The following KAZN variants were observed in gnomAD, a reference collection of about 807,000 sequenced individuals.
KAZN encodes kazrin.
KAZN carries 40 observed loss-of-function variants against 87.4 expected under a neutral mutation model. The observed-to-expected ratio is 0.46, with a 90% CI of 0.36 to 0.60. KAZN has a LOEUF of 0.60. Ranked by LOEUF, KAZN falls within the 20% of genes least tolerant of loss-of-function variation. The pLI is 0.00. For missense variants in KAZN, 898 were observed against 1,073.9 expected (o/e 0.84, Z 2.29); for synonymous variants, 466 against 458.3 (o/e 1.02, Z -0.22).
intron 2 of KAZN, among the ~76,000 whole-genome samples, chr1:14,343,556 C>T (rs1220710781): frequency 6.6e-6 from 1 of 152,092 alleles, no homozygotes; most frequent in Non-Finnish European, 1.5e-5. Context: ...ATGTGTGATG[C>T]TTTTAAAACC....
chr1:14,716,442 A>C (rs1224716222), intron 1 of KAZN, among the ~76,000 whole-genome samples: 2 of 152,034 alleles, frequency 1.3e-5, no homozygotes, highest in Non-Finnish European at 2.9e-5. Context: ...CCCCTTTCCA[A>C]TCTTTTTTCA....
chr1:14,387,100 C>T (rs143654059), intron 2 of KAZN, among the ~76,000 whole-genome samples: 7,103 of 152,192 alleles, frequency 0.047, 356 homozygotes, highest in East Asian at 0.28. Context: ...TCCAGTTGAT[C>T]GCATCAGCTC....
chr1:14,865,526 G>A (rs1294319383), intron 1 of KAZN, among the ~76,000 whole-genome samples: 2 of 152,160 alleles, frequency 1.3e-5, no homozygotes, highest in African/African-American at 4.8e-5. Flanking sequence ...CCTGGAGACT[G>A]CAACCAGAAA....
intron 2 of KAZN, among the ~76,000 whole-genome samples, chr1:14,973,058 T>A (rs2101849851): frequency 6.6e-6 from 1 of 152,204 alleles, no homozygotes; most frequent in Non-Finnish European, 1.5e-5. Flanking sequence ...ACCCTGCCTT[T>A]ACAGTTGGGG....
intron 2 of KAZN, among the ~76,000 whole-genome samples, chr1:14,414,740 A>G (rs2101224914): frequency 6.6e-6 from 1 of 152,312 alleles, no homozygotes; most frequent in Non-Finnish European, 1.5e-5. Context: ...GAAGGAACAC[A>G]GAGGCCAGGA....
At chr1:14,632,453 T>C (rs535863428) in intron 1 of KAZN, among the ~76,000 whole-genome samples, 2 of 152,196 alleles carry the variant, frequency 1.3e-5, no homozygotes, top group East Asian at 3.9e-4. Flanking sequence ...GACATATAAA[T>C]AATGAAGAAT....
At chr1:14,501,067 A>C (rs1486085475) in intron 2 of KAZN, among the ~76,000 whole-genome samples, 2 of 148,950 alleles carry the variant, frequency 1.3e-5, no homozygotes, top group Admixed American at 1.4e-4. Context: ...TAACCTAAAA[A>C]GAGCATCTGC....
intron 1 of KAZN, among the ~76,000 whole-genome samples, chr1:13,981,478 T>C (rs1047284278): frequency 2.6e-5 from 4 of 152,060 alleles, no homozygotes; most frequent in South Asian, 2.1e-4. Flanking sequence ...ATGAGGGGAA[T>C]ACTAGACCTG....
At chr1:14,675,204 C>T (rs1207231989) in intron 1 of KAZN, among the ~76,000 whole-genome samples, 3 of 152,194 alleles carry the variant, frequency 2.0e-5, no homozygotes, top group South Asian at 4.1e-4. Context: ...CACCAGGCCC[C>T]ACTGCCTTCA....
In KAZN at chr1:14,141,322, G is replaced by A. The variant is rs137889680; in HGVS notation, c.92-39113G>A. ...CAAGTGGTCACATGGGGACCTGGCC[G>A]CAGAAGCTATGTCTCTGCTTCCTGC... is the stretch of plus-strand genomic sequence containing the variant. On this transcript the variant is annotated intron_variant, in intron 1 of 16. Coordinates refer to the KAZN transcript ENST00000636203. Among the ~76,000 whole-genome samples the A allele has an allele frequency of 1.1e-3, 165 of 151,080 alleles. 2 individuals are homozygous for A. The South Asian group carries it at 0.016, about 15-fold the overall frequency.
intron 1 of KAZN, among the ~76,000 whole-genome samples, chr1:14,027,591 T>C (rs1403417966): frequency 6.6e-6 from 1 of 152,184 alleles, no homozygotes; most frequent in Non-Finnish European, 1.5e-5. Context: ...AATACTGTGT[T>C]CCTACATAGA....
chr1:14,696,589 C>G (rs1641615330), intron 1 of KAZN, among the ~76,000 whole-genome samples: 1 of 152,166 alleles, frequency 6.6e-6, no homozygotes, highest in Non-Finnish European at 1.5e-5. Flanking sequence ...CTCTTGGGAA[C>G]AATTCTGCCA....
At position 15,021,364 on chromosome 1, in the gene KAZN, C is replaced by T. The variant is rs545969047; in HGVS notation, c.419-13385C>T. On this transcript the variant is annotated intron_variant, in intron 2 of 14. Transcript: ENST00000376030. The surrounding 1 kb of genome is among the most constrained non-coding windows in gnomAD (Gnocchi z 4.2). ...TCTCCATTTCCCCCTCCCGCTTCAA[C>T]CTAGGGAATGTCCGTGTTCCGGGCC... 6.6e-6 allele frequency among the ~76,000 whole-genome samples: 1 copy of T among 152,324 alleles called. No individual in the cohort carries two copies. The highest frequency in any genetic ancestry group is 1.9e-4 in the East Asian group (1 of 5,184).
At chr1:14,377,439 C>G (rs1557674525) in intron 2 of KAZN, among the ~76,000 whole-genome samples, 1 of 152,224 alleles carries the variant, frequency 6.6e-6, no homozygotes, top group African/African-American at 2.4e-5. Flanking sequence ...TCCATGGCAA[C>G]AATGACAGTA....
intron 1 of KAZN, among the ~76,000 whole-genome samples, chr1:14,772,967 T>G (rs1645061103): frequency 6.6e-6 from 1 of 152,030 alleles, no homozygotes; most frequent in Non-Finnish European, 1.5e-5. Flanking sequence ...TCTGCGCAGT[T>G]GAGTCATCTC....
chr1:14,255,119 C>CAA (rs71570191), intron 2 of KAZN, among the ~76,000 whole-genome samples: 1,059 of 83,450 alleles, frequency 0.013, 24 homozygotes, highest in Non-Finnish European at 0.018. Flanking sequence ...GACTCTGTCT[C>CAA]AAAAAAAAAA....
chr1:15,063,559 C>T lies in KAZN; in HGVS notation c.1048-13C>T, dbSNP rs529393579. 4.2e-5 allele frequency: 68 copies of T among 1,613,044 alleles called. 2 individuals are homozygous for T. The South Asian group carries it at 6.7e-4, about 16-fold the overall frequency. On this transcript the variant is annotated splice_polypyrimidine_tract_variant and intron_variant, in intron 6 of 14. Transcript: ENST00000376030. The stretch of plus-strand genomic sequence containing the variant: ...CTCTGCTGTTTCATCTTCCTCTTCT[C>T]CTCTGGCTACAGGGCGACAGTCCCG...
At chr1:13,992,976 A>C (rs1323002385) in intron 1 of KAZN, among the ~76,000 whole-genome samples, 1 of 152,224 alleles carries the variant, frequency 6.6e-6, no homozygotes, top group Non-Finnish European at 1.5e-5. Context: ...GACTGAAAAC[A>C]CAGCATGATA....
intron 2 of KAZN, among the ~76,000 whole-genome samples, chr1:14,428,166 A>G (rs1665846261): frequency 1.3e-5 from 2 of 152,236 alleles, no homozygotes; most frequent in Admixed American, 1.3e-4. Flanking sequence ...TGGTGAGACG[A>G]AGTTAGCACA....
Sources: allele counts gnomAD v4.1 joint callset (sites outside exome capture counted in the v4.1 genomes callset), GRCh38; gene constraint gnomAD v4.1.1; non-coding constraint Gnocchi (gnomAD v3.1); transcripts MANE v1.5; gene names NCBI Gene and HGNC (gene_info 2026-07-23, HGNC 2026-07-21).